UNC13C: variants seen among roughly 807,000 people sequenced by gnomAD.
The protein encoded by UNC13C is unc-13 homolog C.
UNC13C carries 174 observed loss-of-function variants against 245.4 expected under a neutral mutation model. The ratio of observed to expected loss-of-function variants is 0.71; its 90% CI spans 0.63 to 0.80. The LOEUF is 0.80. UNC13C is among the 30% of genes least tolerant of loss of function. The pLI is 0.00. For synonymous variants in UNC13C, 992 were observed against 895.1 expected, an observed-to-expected ratio of 1.11 and a Z score of -1.93; for missense variants, 2,829 against 2,602.9, an observed-to-expected ratio of 1.09 and a Z score of -1.89.
chr15:53,862,248 CT>C, the UNC13C span, among the ~76,000 whole-genome samples: 1 of 152,022 alleles, frequency 6.6e-6, no homozygotes, highest in Non-Finnish European at 1.5e-5. Context: ...TGCAGACAGA[CT>C]TGGAACAAGG....
At chr15:54,195,570 C>T (rs2034326602) in intron 4 of UNC13C, among the ~76,000 whole-genome samples, 1 of 152,110 alleles carries the variant, frequency 6.6e-6, no homozygotes, top group Admixed American at 6.6e-5. Flanking sequence ...GCATTAATGT[C>T]ATGAAGTTCC....
intron 17 of UNC13C, among the ~76,000 whole-genome samples, chr15:54,358,458 A>G (rs1186121217): frequency 6.6e-6 from 1 of 152,086 alleles, no homozygotes; most frequent in African/African-American, 2.4e-5. Flanking sequence ...CAAGACACAA[A>G]ATGTCATTCC....
Position 54,013,357 on chromosome 15 carries a change from C to T in UNC13C, c.454C>T (p.Arg152Cys), listed in dbSNP as rs536918048. The T allele has an allele frequency of 1.9e-5, 30 of 1,613,802 alleles. No individual in the cohort carries two copies. Among genetic ancestry groups the T allele is most frequent in the South Asian group, 1.2e-4 (11 of 91,080 alleles). The change falls in exon 2 of 33, where the codon CGC becomes TGC. Residue 152 changes from arginine (R) to cysteine (C), a missense_variant. Transcript: ENST00000260323. ...AQSTHTMPVRRNRKSSSSLAP... is the reference protein window; with the variant it reads ...AQSTHTMPVRCNRKSSSSLAP... ...ATCAACACACACAATGCCAGTTAGA[C>T]GCAACAGAAAGAGTTCAAGCAGCCT...
chr15:54,336,042 AG>A (rs139501883), intron 16 of UNC13C, among the ~76,000 whole-genome samples: 26,554 of 151,900 alleles, frequency 0.17, 2,819 homozygotes, highest in Middle Eastern at 0.29. Context: ...AATAATATTG[AG>A]AATTTTGGAG....
At position 54,113,260 on chromosome 15, in the gene UNC13C, A is replaced by C. The variant is rs114859252; in HGVS notation, c.2984-29758A>C. Reference sequence around the variant, plus strand: ...AAGGAGAGAGAAAAGAAAGAATGCTACTGCATCCCCTCTGTGTAGCTTTAT... The same window carrying C: ...AAGGAGAGAGAAAAGAAAGAATGCTCCTGCATCCCCTCTGTGTAGCTTTAT... On this transcript the variant is annotated intron_variant, in intron 2 of 32. Transcript: ENST00000260323. Among the ~76,000 whole-genome samples, 966 of 152,318 alleles carry C rather than the reference A, an allele frequency of 6.3e-3. 10 individuals are homozygous for C. Among genetic ancestry groups the C allele is most frequent in the African/African-American group, 0.022 (933 of 41,566 alleles).
chr15:54,577,462 C>T (rs1898004139), intron 30 of UNC13C, among the ~76,000 whole-genome samples: 1 of 152,208 alleles, frequency 6.6e-6, no homozygotes. Flanking sequence ...CCGCAGGAGG[C>T]TGAGCTGTGT....
intron 2 of UNC13C, among the ~76,000 whole-genome samples, chr15:54,132,744 A>G (rs535850965): frequency 2.0e-5 from 3 of 152,330 alleles, no homozygotes; most frequent in East Asian, 1.9e-4. Context: ...TCAAAGTCGT[A>G]TCTCTTTTAA....
At chr15:54,087,137 C>T (rs1375917214) in intron 2 of UNC13C, among the ~76,000 whole-genome samples, 1 of 152,088 alleles carries the variant, frequency 6.6e-6, no homozygotes, top group East Asian at 1.9e-4. Context: ...GTGTCATTCA[C>T]CTCCTGTGAT....
intron 2 of UNC13C, among the ~76,000 whole-genome samples, chr15:54,042,709 C>T (rs542912343): frequency 2.6e-5 from 4 of 152,104 alleles, no homozygotes; most frequent in Non-Finnish European, 4.4e-5. Context: ...AGAAATTAGC[C>T]GGGCATGGTG....
intron 7 of UNC13C, among the ~76,000 whole-genome samples, chr15:54,247,317 A>G (rs1180792533): frequency 6.6e-6 from 1 of 152,042 alleles, no homozygotes; most frequent in Non-Finnish European, 1.5e-5. Context: ...ACAAAAACCC[A>G]CACTTTTTCC....
rs759592886 is a variant in UNC13C at position 54,015,724 on chromosome 15, A to G, written c.2821A>G (p.Thr941Ala). 4 of 1,613,576 alleles carry G rather than the reference A, an allele frequency of 2.5e-6. No individual in the cohort carries two copies. The highest frequency in any genetic ancestry group is 2.5e-6 in the Non-Finnish European group (3 of 1,179,738). Residue 941 changes from threonine to alanine, a missense_variant, in exon 2 of 33, where the codon ACA (threonine) becomes GCA (alanine). By Grantham distance (58) the Thr-to-Ala change is moderately conservative. Transcript: ENST00000260323. ...AGAGGGGTTAGAACCCTTAAATGAAACATCAGCTGAGATGGAAATAAGAGA... is the reference window on the plus strand; with the variant it reads ...AGAGGGGTTAGAACCCTTAAATGAAGCATCAGCTGAGATGGAAATAAGAGA... ...SEEGLEPLNETSAEMEIREDE... is the reference protein window; with the variant it reads ...SEEGLEPLNEASAEMEIREDE...
intron 4 of UNC13C, among the ~76,000 whole-genome samples, chr15:54,159,220 G>A (rs1241012958): frequency 1.3e-5 from 2 of 152,166 alleles, no homozygotes; most frequent in Non-Finnish European, 2.9e-5. Context: ...TAGAACTGTC[G>A]AGTAAACATG....
At chr15:53,842,196 G>T in the UNC13C span, among the ~76,000 whole-genome samples, 1 of 152,030 alleles carries the variant, frequency 6.6e-6, no homozygotes, top group South Asian at 2.1e-4. Context: ...TCTTAAGAGG[G>T]GGAAATGAAA....
chr15:54,021,500 C>T (rs1228377811), intron 2 of UNC13C, among the ~76,000 whole-genome samples: 2 of 152,160 alleles, frequency 1.3e-5, no homozygotes, highest in African/African-American at 2.4e-5. Flanking sequence ...CAGTTACATC[C>T]GTGTTGTCAC....
At chr15:54,395,817 A>G (rs2040058467) in intron 18 of UNC13C, among the ~76,000 whole-genome samples, 1 of 151,774 alleles carries the variant, frequency 6.6e-6, no homozygotes, top group South Asian at 2.1e-4. Context: ...TTTGTTGACT[A>G]ATGTATATTC....
At chr15:54,159,083 T>C (rs1470722653) in intron 4 of UNC13C, among the ~76,000 whole-genome samples, 1 of 152,214 alleles carries the variant, frequency 6.6e-6, no homozygotes, top group Non-Finnish European at 1.5e-5. Context: ...TAGAGCTAGA[T>C]ACAGATCTTG....
chr15:54,373,338 G>T (rs1567222813), intron 17 of UNC13C, among the ~76,000 whole-genome samples: 1 of 152,178 alleles, frequency 6.6e-6, no homozygotes, highest in Non-Finnish European at 1.5e-5. Flanking sequence ...CACTGGACTT[G>T]TTTCACCCAC....
chr15:53,993,967 A>G (rs1894505466), intron 1 of UNC13C, among the ~76,000 whole-genome samples: 1 of 152,044 alleles, frequency 6.6e-6, no homozygotes, highest in Non-Finnish European at 1.5e-5. Context: ...ATGGATAGAC[A>G]TTGTATATTT....
chr15:54,025,216 A>G (rs1334390049), intron 2 of UNC13C, among the ~76,000 whole-genome samples: 1 of 152,136 alleles, frequency 6.6e-6, no homozygotes, highest in African/African-American at 2.4e-5. Context: ...TTTCTCCCTA[A>G]CTCAACCATG....
Sources: gnomAD v4.1 joint callset for allele counts (sites outside exome capture counted in the v4.1 genomes callset) on GRCh38, gnomAD v4.1.1 for gene constraint, MANE v1.5 for transcripts, NCBI Gene and HGNC (gene_info 2026-07-23, HGNC 2026-07-21) for gene names.